GALNT13: variants seen among roughly 807,000 people sequenced by gnomAD.
GALNT13 encodes the protein UDP-GalNAc:polypeptide N-acetylgalactosaminyltransferase 13.
Under a neutral mutation model 64.2 loss-of-function variants are expected in GALNT13, and 28 were observed. The ratio of observed to expected loss-of-function variants is 0.44; its 90% CI spans 0.32 to 0.60. The LOEUF (loss-of-function observed/expected upper bound fraction) is 0.60. Ranked by LOEUF, GALNT13 falls within the 20% of genes least tolerant of loss-of-function variation. The pLI is 0.05. For missense variants in GALNT13, 577 were observed against 669.8 expected (o/e 0.86, Z 1.53); for synonymous variants, 214 against 224.6 (o/e 0.95, Z 0.42).
chr2:153,349,075 A>G, the GALNT13 span, among the ~76,000 whole-genome samples: 4 of 152,220 alleles, frequency 2.6e-5, no homozygotes, highest in Non-Finnish European at 2.9e-5. Context: ...TCAAGCTCCT[A>G]TGTCTTAGAT....
At chr2:153,652,431 A>C in the GALNT13 span, among the ~76,000 whole-genome samples, 1 of 152,108 alleles carries the variant, frequency 6.6e-6, no homozygotes, top group East Asian at 1.9e-4. Context: ...CTTGCCCAAC[A>C]TGGCAAAACC....
intron 4 of GALNT13, among the ~76,000 whole-genome samples, chr2:154,159,400 G>A (rs1684606549): frequency 6.6e-6 from 1 of 152,134 alleles, no homozygotes; most frequent in Non-Finnish European, 1.5e-5. Flanking sequence ...CTCCTAAAGT[G>A]CTGGGATTAC....
chr2:153,254,259 G>A, the GALNT13 span, among the ~76,000 whole-genome samples: 4 of 152,124 alleles, frequency 2.6e-5, no homozygotes, highest in Admixed American at 2.0e-4. Context: ...TTTGCGTAGA[G>A]GTATTTGTAG....
At chr2:153,908,954 A>G (rs1688761778) in intron 2 of GALNT13, among the ~76,000 whole-genome samples, 1 of 152,114 alleles carries the variant, frequency 6.6e-6, no homozygotes, top group Non-Finnish European at 1.5e-5. Flanking sequence ...TTTGATAGGG[A>G]TAGCATTGAA....
At chr2:153,408,167 A>G in the GALNT13 span, among the ~76,000 whole-genome samples, 1 of 152,182 alleles carries the variant, frequency 6.6e-6, no homozygotes, top group African/African-American at 2.4e-5. Flanking sequence ...ATGTTACAGA[A>G]GCAGAGGAGT....
At chr2:153,288,269 G>A in the GALNT13 span, among the ~76,000 whole-genome samples, 1 of 152,142 alleles carries the variant, frequency 6.6e-6, no homozygotes, top group South Asian at 2.1e-4. Flanking sequence ...TGCCCTATAT[G>A]TGTGTGTCTA....
At chr2:154,415,789 A>G (rs1399791100) in intron 11 of GALNT13, among the ~76,000 whole-genome samples, 1 of 152,100 alleles carries the variant, frequency 6.6e-6, no homozygotes, top group African/African-American at 2.4e-5. Context: ...AATACATTCA[A>G]CAGATATATA....
chr2:153,753,489 A>G, the GALNT13 span, among the ~76,000 whole-genome samples: 4 of 152,292 alleles, frequency 2.6e-5, no homozygotes, highest in African/African-American at 7.2e-5. Flanking sequence ...ATTCTTGTAG[A>G]TGCGCTGAGG....
chr2:153,323,588 G>T, the GALNT13 span, among the ~76,000 whole-genome samples: 1 of 152,240 alleles, frequency 6.6e-6, no homozygotes, highest in East Asian at 1.9e-4. Flanking sequence ...GAATGGTATT[G>T]CCTAGGTTTT....
At chr2:153,380,148 C>G in the GALNT13 span, among the ~76,000 whole-genome samples, 7 of 152,022 alleles carry the variant, frequency 4.6e-5, no homozygotes, top group Non-Finnish European at 4.4e-5. Flanking sequence ...TAGATTCAAC[C>G]AATCATTGAT....
the GALNT13 span, among the ~76,000 whole-genome samples, chr2:153,482,555 C>T: frequency 1.9e-3 from 288 of 152,270 alleles, no homozygotes; most frequent in African/African-American, 6.3e-3. Flanking sequence ...TTGCAACCTC[C>T]GCCTCCCAGG....
At chr2:153,453,354 A>G in the GALNT13 span, among the ~76,000 whole-genome samples, 2 of 152,174 alleles carry the variant, frequency 1.3e-5, no homozygotes, top group Non-Finnish European at 2.9e-5. Flanking sequence ...GGGAGAAAAT[A>G]TTTGCAAACT....
In GALNT13 at chr2:153,944,556, T is replaced by C. The variant is rs1387961255; in HGVS notation, c.59T>C (p.Val20Ala). 1 of 1,613,732 alleles carries C rather than the reference T, an allele frequency of 6.2e-7. No individual in the cohort carries two copies. The highest frequency in any genetic ancestry group is 2.2e-5 in the East Asian group (1 of 44,848). The change falls in exon 3 of 13, where the codon GTT (valine) becomes GCT (alanine). Residue 20 changes from valine to alanine, a missense_variant. This residue lies in a region of GALNT13 where 341 missense variants were observed against 379.3 expected (regional missense o/e 0.90). Coordinates refer to ENST00000392825, the MANE Select transcript of GALNT13 (RefSeq NM_052917.4). ...VLATSLMWVLVDVFLLLYFSE... is the reference protein window; with the variant it reads ...VLATSLMWVLADVFLLLYFSE... ...GCCACTTCGCTGATGTGGGTTCTTG[T>C]TGATGTCTTCTTACTGCTGTACTTC...
intron 9 of GALNT13, among the ~76,000 whole-genome samples, chr2:154,370,015 A>T (rs1697592050): frequency 6.6e-6 from 1 of 152,148 alleles, no homozygotes; most frequent in Admixed American, 6.6e-5. Flanking sequence ...TTTAGAAATG[A>T]TGTGGCCATG....
intron 8 of GALNT13, among the ~76,000 whole-genome samples, chr2:154,297,706 T>A (rs1693007038): frequency 6.6e-6 from 1 of 152,170 alleles, no homozygotes; most frequent in South Asian, 2.1e-4. Flanking sequence ...TGGAGAATTA[T>A]TTTACAGATA....
the GALNT13 span, among the ~76,000 whole-genome samples, chr2:153,851,686 G>A: frequency 6.6e-6 from 1 of 152,046 alleles, no homozygotes; most frequent in Non-Finnish European, 1.5e-5. Flanking sequence ...GACAGAGCAA[G>A]AACCTGTCTC....
chr2:153,449,629 A>G, the GALNT13 span: 1 of 155,034 alleles, frequency 6.5e-6, no homozygotes, highest in African/African-American at 2.4e-5. Context: ...AAAAATACCT[A>G]AGACTGGGTA....
chr2:154,181,358 G>A (rs932616219), intron 4 of GALNT13, among the ~76,000 whole-genome samples: 1 of 152,004 alleles, frequency 6.6e-6, no homozygotes, highest in Non-Finnish European at 1.5e-5. Context: ...ACACTCCTCA[G>A]CCTTGCTACC....
chr2:153,496,333 C>A, the GALNT13 span, among the ~76,000 whole-genome samples: 3 of 152,132 alleles, frequency 2.0e-5, no homozygotes, highest in Non-Finnish European at 2.9e-5. Flanking sequence ...CTTAGGAAAT[C>A]TGGGAGCATG....
Sources: gnomAD v4.1 joint callset for allele counts (sites outside exome capture counted in the v4.1 genomes callset) on GRCh38, gnomAD v4.1.1 for gene constraint, gnomAD v4.1.1 regional missense constraint, MANE v1.5 for transcripts, NCBI Gene and HGNC (gene_info 2026-07-23, HGNC 2026-07-21) for gene names.